The following TXLNB variants were observed in gnomAD, a reference collection of about 807,000 sequenced individuals.
TXLNB encodes the protein beta-taxilin.
Under a neutral mutation model 57.4 loss-of-function variants are expected in TXLNB, and 37 were observed. That is an observed-to-expected ratio of 0.64 (90% CI 0.50 to 0.85). TXLNB has a LOEUF of 0.85. TXLNB is among the 40% of genes least tolerant of loss of function. The pLI is 0.00. For synonymous variants in TXLNB, 302 were observed against 309.6 expected, an observed-to-expected ratio of 0.98 and a Z score of 0.26; for missense variants, 848 against 825.6, an observed-to-expected ratio of 1.03 and a Z score of -0.33.
At chr6:139,269,004 A>C (rs1429801507) in intron 4 of TXLNB, 1 of 152,136 alleles carries the variant, frequency 6.6e-6, no homozygotes, top group Admixed American at 6.5e-5. Context: ...GGCTCAAATG[A>C]TCCTCCTGCT....
chr6:139,223,322 C>T, the TXLNB span, among the ~76,000 whole-genome samples: 1 of 151,988 alleles, frequency 6.6e-6, no homozygotes, highest in Non-Finnish European at 1.5e-5. Context: ...CTTAGGTAGT[C>T]TTAAATGCAT....
chr6:139,243,391 G>T, intron 9 of TXLNB, 77 bp from the exon 10 acceptor site: 1 of 1,426,632 alleles, frequency 7.0e-7, no homozygotes, highest in African/African-American at 1.4e-5. Flanking sequence ...ATGCTTTCTG[G>T]AAACAAGCAA....
chr6:139,319,301 T>C, the TXLNB span, among the ~76,000 whole-genome samples: 1 of 149,842 alleles, frequency 6.7e-6, no homozygotes, highest in Non-Finnish European at 1.5e-5. Context: ...GGTTTTGCCA[T>C]GTTGCTCAGG....
At chr6:139,194,731 G>C in the TXLNB span, among the ~76,000 whole-genome samples, 2 of 152,160 alleles carry the variant, frequency 1.3e-5, no homozygotes, top group Non-Finnish European at 2.9e-5. Context: ...CTGCAAAACT[G>C]TATAATGTTT....
chr6:139,224,699 A>G, the TXLNB span, among the ~76,000 whole-genome samples: 1 of 152,046 alleles, frequency 6.6e-6, no homozygotes, highest in Non-Finnish European at 1.5e-5. Flanking sequence ...GGAAAATGGA[A>G]AATATATTAA....
chr6:139,301,525 T>A, the TXLNB span, among the ~76,000 whole-genome samples: 1 of 152,108 alleles, frequency 6.6e-6, no homozygotes, highest in African/African-American at 2.4e-5. Flanking sequence ...TGCCAGGAAA[T>A]CTTCTATAGA....
the TXLNB span, chr6:139,201,909 A>G: frequency 1.3e-5 from 2 of 152,372 alleles, no homozygotes; most frequent in Admixed American, 1.3e-4. Context: ...ACACCGGGGA[A>G]AATTAACTGC....
chr6:139,273,554 C>T (rs9495407), intron 3 of TXLNB, among the ~76,000 whole-genome samples: 6,152 of 152,272 alleles, frequency 0.04, 410 homozygotes, highest in African/African-American at 0.14. Flanking sequence ...AAGCCTCAAA[C>T]GCCTAGCTCC....
At chr6:139,231,600 AC>A in the TXLNB span, among the ~76,000 whole-genome samples, 1 of 152,200 alleles carries the variant, frequency 6.6e-6, no homozygotes, top group Admixed American at 6.5e-5. Flanking sequence ...GCCTGACTTA[AC>A]AGAAGTAACC....
At chr6:139,190,181 A>C in the TXLNB span, among the ~76,000 whole-genome samples, 6 of 152,214 alleles carry the variant, frequency 3.9e-5, no homozygotes, top group African/African-American at 1.2e-4. Flanking sequence ...CTGCTATAAC[A>C]ATACCTTAGA....
the TXLNB span, among the ~76,000 whole-genome samples, chr6:139,200,720 T>G: frequency 6.6e-6 from 1 of 152,182 alleles, no homozygotes; most frequent in Non-Finnish European, 1.5e-5. Flanking sequence ...TTCACTTCCC[T>G]GTTAACAAAG....
the TXLNB span, among the ~76,000 whole-genome samples, chr6:139,193,840 A>ATATT: frequency 1.4e-3 from 122 of 85,222 alleles, no homozygotes; most frequent in East Asian, 0.022. Flanking sequence ...ATATATATAT[A>ATATT]TTTTTTTTTT....
chr6:139,254,071 T>C (rs1362821289), intron 7 of TXLNB, among the ~76,000 whole-genome samples: 1 of 152,234 alleles, frequency 6.6e-6, no homozygotes, highest in Non-Finnish European at 1.5e-5. Context: ...CTGGGCCCTT[T>C]GCTTCAGACA....
chr6:139,237,271 G>A (rs546003380), downstream of TXLNB: 1 of 152,220 alleles, frequency 6.6e-6, no homozygotes, highest in East Asian at 1.9e-4. Context: ...GGAGGCTGAG[G>A]CAGGCAGATC....
At chr6:139,217,593 G>A in the TXLNB span, among the ~76,000 whole-genome samples, 1 of 152,108 alleles carries the variant, frequency 6.6e-6, no homozygotes, top group East Asian at 1.9e-4. Flanking sequence ...CTTAGGCTGG[G>A]CGTGGCGGCT....
chr6:139,292,368 A>C (rs73560787), upstream of TXLNB, among the ~76,000 whole-genome samples: 5,992 of 151,850 alleles, frequency 0.039, 403 homozygotes, highest in African/African-American at 0.14. This position sits in a 1 kb window ranked among gnomAD's most constrained non-coding sequence, Gnocchi z 4.0. Flanking sequence ...GGTAGAGATC[A>C]GTTTTTCTTA....
chr6:139,202,822 A>AT, the TXLNB span, among the ~76,000 whole-genome samples: 2 of 152,148 alleles, frequency 1.3e-5, no homozygotes, highest in Non-Finnish European at 2.9e-5. Flanking sequence ...TCTAGCTGTA[A>AT]TTTTGTATCT....
chr6:139,318,245 GA>G, the TXLNB span, among the ~76,000 whole-genome samples: 2 of 134,874 alleles, frequency 1.5e-5, no homozygotes. Context: ...ACTCCAGCCT[GA>G]GTGACAGAGT....
the TXLNB span, among the ~76,000 whole-genome samples, chr6:139,202,081 G>A: frequency 3.3e-5 from 5 of 152,124 alleles, no homozygotes; most frequent in African/African-American, 4.8e-5. Context: ...CCATTTGAAA[G>A]TTTCTCAGTT....
Sources: allele counts gnomAD v4.1 joint callset (sites outside exome capture counted in the v4.1 genomes callset), GRCh38; gene constraint gnomAD v4.1.1; non-coding constraint Gnocchi (gnomAD v3.1); transcripts MANE v1.5; gene names NCBI Gene and HGNC (gene_info 2026-07-23, HGNC 2026-07-21).